GLRA2: variants seen among roughly 807,000 people sequenced by gnomAD.
The protein encoded by GLRA2 is glycine receptor subunit alpha-2.
A neutral mutation model predicts 31.6 loss-of-function variants in GLRA2; 11 were observed. The ratio of observed to expected loss-of-function variants is 0.35; its 90% CI spans 0.22 to 0.58. GLRA2 has a LOEUF of 0.58. Ranked by LOEUF, GLRA2 falls within the 20% of genes least tolerant of loss-of-function variation. GLRA2 has a pLI of 0.84. For synonymous variants in GLRA2, 132 were observed against 134.0 expected (o/e 0.99, Z 0.10); for missense variants, 212 against 351.8 (o/e 0.60, Z 3.18).
At position 14,530,901 on chromosome X, in the gene GLRA2, G is replaced by A. The variant is rs374580465; in HGVS notation, c.68+776G>A. ...AGAGTGGAAGACTGAGCAGAGACAG[G>A]AGATGCTCTTACAACAAAGTATAGG... is the stretch of plus-strand genomic sequence containing the variant. On this transcript the variant is annotated intron_variant, in intron 1 of 8. Transcript: ENST00000218075. The A allele has an allele frequency of 1.0e-4, 82 of 788,599 alleles. No homozygotes were observed. The East Asian group carries it at 6.1e-3, about 58-fold the overall frequency. The allele number at this position is 788,599 out of a possible 1,213,427, so 65.0% of individuals were successfully genotyped here. A position where few individuals can be genotyped will look rare whatever the true frequency, so the allele number is the denominator to read the frequency against.
intron 4 of GLRA2, among the ~76,000 whole-genome samples, chrX:14,600,372 T>C (rs780255950): frequency 9.9e-5 from 11 of 111,623 alleles, no homozygotes; most frequent in Non-Finnish European, 2.1e-4. Context: ...AAGAACATGT[T>C]CTTTTAAGCT....
chrX:14,586,945 C>G (rs2090087501), intron 4 of GLRA2, among the ~76,000 whole-genome samples: 1 of 111,489 alleles, frequency 9.0e-6, no homozygotes, highest in Non-Finnish European at 1.9e-5. Flanking sequence ...TAATCCAACA[C>G]CCTTGTTTTG....
intron 4 of GLRA2, among the ~76,000 whole-genome samples, chrX:14,591,466 G>A (rs753986478): frequency 9.8e-5 from 11 of 111,712 alleles, no homozygotes; most frequent in Non-Finnish European, 1.9e-4. Flanking sequence ...TCTGATGTTC[G>A]AAGGCAGGAA....
At position 14,663,432 on chromosome X, in the gene GLRA2, C is replaced by T. The variant is rs750221842; in HGVS notation, c.931-27278C>T. Among the ~76,000 whole-genome samples the T allele has an allele frequency of 1.8e-4, 20 of 110,176 alleles. No individual in the cohort carries two copies. In the East Asian group the frequency reaches 5.7e-3, roughly 31 times the overall value. On this transcript the variant is annotated intron_variant, in intron 7 of 8. Coordinates refer to ENST00000218075, the MANE Select transcript of GLRA2 (RefSeq NM_002063.4). ...AGTAGATGATGCTAATTTGTTTTGTCAATTCCAGAACCTAATGTATGAAAG... is the reference window on the plus strand; with the variant it reads ...AGTAGATGATGCTAATTTGTTTTGTTAATTCCAGAACCTAATGTATGAAAG...
At chrX:14,696,816 T>A (rs905048924) in intron 8 of GLRA2, among the ~76,000 whole-genome samples, 3 of 112,129 alleles carry the variant, frequency 2.7e-5, no homozygotes, top group Non-Finnish European at 3.8e-5. Context: ...TTACAATCCC[T>A]GCTATGTTTA....
intron 2 of GLRA2, among the ~76,000 whole-genome samples, chrX:14,544,258 A>G (rs1277236913): frequency 8.9e-6 from 1 of 112,258 alleles, no homozygotes; most frequent in East Asian, 2.8e-4. Flanking sequence ...AAATACTTGG[A>G]TCTAATAATC....
At chrX:14,453,355 G>C in the GLRA2 span, among the ~76,000 whole-genome samples, 74 of 111,378 alleles carry the variant, frequency 6.6e-4, no homozygotes, top group African/African-American at 2.4e-3. Flanking sequence ...ACTGACATTT[G>C]GTAGGTAGAG....
intron 2 of GLRA2, among the ~76,000 whole-genome samples, chrX:14,541,990 C>CTGGG (rs1014468506): frequency 9.0e-6 from 1 of 111,396 alleles, no homozygotes; most frequent in Non-Finnish European, 1.9e-5. Flanking sequence ...AAGGCAAATC[C>CTGGG]TGGGCCCCAC....
At chrX:14,613,890 T>C (rs2090427890) in intron 7 of GLRA2, among the ~76,000 whole-genome samples, 1 of 111,761 alleles carries the variant, frequency 8.9e-6, no homozygotes, top group Admixed American at 9.6e-5. Context: ...CTATATGCTA[T>C]GCTATTAGAC....
chrX:14,461,789 T>A, the GLRA2 span, among the ~76,000 whole-genome samples: 1 of 112,260 alleles, frequency 8.9e-6, no homozygotes, highest in Non-Finnish European at 1.9e-5. Flanking sequence ...TGATGGGTCT[T>A]GACTCTTTAT....
the GLRA2 span, among the ~76,000 whole-genome samples, chrX:14,487,128 A>G: frequency 2.7e-5 from 3 of 110,476 alleles, no homozygotes; most frequent in Non-Finnish European, 5.7e-5. Context: ...AAACACAGCA[A>G]TGATGAACAG....
In GLRA2 at chrX:14,532,393, C is replaced by T. The variant is rs769545453; in HGVS notation, c.202+21C>T. 11 of 1,086,933 alleles carry T rather than the reference C, an allele frequency of 1.0e-5. No homozygotes were observed. In the African/African-American group the frequency reaches 1.3e-4, roughly 13 times the overall value. The allele number at this position is 1,086,933 out of a possible 1,213,427, so 89.6% of individuals were successfully genotyped here. The stretch of plus-strand genomic sequence containing the variant: ...TAAAGGTAGGTTCCACTTAAACTTA[C>T]GTTAAGCCTTTGAGAAATCTTCTAG... On this transcript the variant is annotated intron_variant, in intron 2 of 8. Transcript: ENST00000218075.
intron 2 of GLRA2, among the ~76,000 whole-genome samples, chrX:14,557,390 C>G: frequency 9.0e-6 from 1 of 111,314 alleles, no homozygotes; most frequent in South Asian, 3.8e-4. Context: ...GCTGGGATTA[C>G]AGGCATAAGC....
At chrX:14,709,225 C>T (rs1455441029) in intron 8 of GLRA2, among the ~76,000 whole-genome samples, 1 of 110,937 alleles carries the variant, frequency 9.0e-6, no homozygotes, top group African/African-American at 3.3e-5. Context: ...CAGAGCAAGA[C>T]CCTGTCTCTT....
chrX:14,491,854 C>A, the GLRA2 span, among the ~76,000 whole-genome samples: 1 of 111,579 alleles, frequency 9.0e-6, no homozygotes, highest in African/African-American at 3.3e-5. Context: ...GTTTTGAGAC[C>A]AGCCCCAGTT....
chrX:14,648,919 A>G (rs1156993856), intron 7 of GLRA2, among the ~76,000 whole-genome samples: 1 of 112,286 alleles, frequency 8.9e-6, no homozygotes. Context: ...AGCGAATTAT[A>G]AAATTAAAAA....
At chrX:14,544,192 T>C (rs2089446548) in intron 2 of GLRA2, among the ~76,000 whole-genome samples, 1 of 111,857 alleles carries the variant, frequency 8.9e-6, no homozygotes, top group African/African-American at 3.2e-5. Flanking sequence ...CATGAATAAA[T>C]AAACAAACAG....
chrX:14,571,351 G>A lies in GLRA2; in HGVS notation c.203-2982G>A, dbSNP rs867183176. Reference sequence around the variant, plus strand: ...ACTATTGTGCTAAATGCAGATGAAAGGTTGTGCTGACACATGCTAGGATAA... The same window carrying A: ...ACTATTGTGCTAAATGCAGATGAAAAGTTGTGCTGACACATGCTAGGATAA... On this transcript the variant is annotated intron_variant, in intron 2 of 8. Coordinates refer to ENST00000218075, the MANE Select transcript of GLRA2 (RefSeq NM_002063.4). Among the ~76,000 whole-genome samples, 4 of 111,828 alleles carry A rather than the reference G, an allele frequency of 3.6e-5. No individual in the cohort carries two copies. In the Admixed American group the frequency reaches 3.8e-4, roughly 11 times the overall value.
At chrX:14,588,126 C>T (rs1314059358) in intron 4 of GLRA2, among the ~76,000 whole-genome samples, 3 of 110,964 alleles carry the variant, frequency 2.7e-5, no homozygotes, top group African/African-American at 6.6e-5. Flanking sequence ...AGGCTGGTCT[C>T]GAACTCCCGA....
Sources: allele counts gnomAD v4.1 joint callset (sites outside exome capture counted in the v4.1 genomes callset), GRCh38; gene constraint gnomAD v4.1.1; transcripts MANE v1.5; gene names NCBI Gene and HGNC (gene_info 2026-07-23, HGNC 2026-07-21).